The following PES1 variants were observed in gnomAD, a reference collection of about 807,000 sequenced individuals.
PES1 encodes the protein pescadillo ribosomal biogenesis factor 1.
A neutral mutation model predicts 77.1 loss-of-function variants in PES1; 31 were observed. That is an observed-to-expected ratio of 0.40 (90% CI 0.30 to 0.54). PES1 has a LOEUF of 0.54. Ranked by LOEUF, PES1 falls within the 20% of genes least tolerant of loss-of-function variation. The pLI, the probability that PES1 is intolerant of heterozygous loss-of-function variation, is 0.45. For missense variants in PES1, 658 were observed against 771.7 expected, an observed-to-expected ratio of 0.85 and a Z score of 1.75; for synonymous variants, 282 against 303.0, an observed-to-expected ratio of 0.93 and a Z score of 0.72.
chr22:30,603,244 A>G (rs1251967478), intron 2 of PES1, among the ~76,000 whole-genome samples: 2 of 152,142 alleles, frequency 1.3e-5, no homozygotes, highest in Non-Finnish European at 2.9e-5. Context: ...CAGGCCCCCT[A>G]AAAGGTTCTT....
intron 2 of PES1, among the ~76,000 whole-genome samples, chr22:30,598,795 G>A (rs1478500721): frequency 2.0e-5 from 3 of 148,294 alleles, no homozygotes; most frequent in African/African-American, 7.5e-5. Flanking sequence ...TGTATATTGT[G>A]TCTACATGGT....
At chr22:30,598,254 A>G (rs1484672251) in intron 2 of PES1, 1 of 152,106 alleles carries the variant, frequency 6.6e-6, no homozygotes, top group Non-Finnish European at 1.5e-5. Context: ...GAACCCACCA[A>G]AAGGAAAAAA....
intron 1 of PES1, among the ~76,000 whole-genome samples, chr22:30,591,484 G>C (rs952740842): frequency 6.6e-6 from 1 of 152,116 alleles, no homozygotes; most frequent in African/African-American, 2.4e-5. Flanking sequence ...GTGCAGTAAC[G>C]GTGAGCTCTA....
intron 6 of PES1, 63 bp from the exon 7 acceptor site, chr22:30,581,707 A>G (rs1398255572): frequency 4.3e-6 from 5 of 1,152,302 alleles, no homozygotes; most frequent in Non-Finnish European, 6.5e-6. Context: ...GGAGGGACAG[A>G]CAACCCACAG....
At chr22:30,603,631 C>T (rs1173157284) in intron 2 of PES1, 1 of 152,218 alleles carries the variant, frequency 6.6e-6, no homozygotes, top group African/African-American at 2.4e-5. Flanking sequence ...ATCCACCCGC[C>T]TCGGCCTCCC....
intron 2 of PES1, chr22:30,605,371 G>T: frequency 2.8e-6 from 2 of 714,976 alleles, no homozygotes; most frequent in Non-Finnish European, 3.4e-6. Flanking sequence ...CAGGTAGGTA[G>T]GCAGGGGGGT....
upstream of PES1, among the ~76,000 whole-genome samples, chr22:30,596,255 TGGA>T (rs2087250553): frequency 6.6e-6 from 1 of 152,232 alleles, no homozygotes. Context: ...CAAGGCTACC[TGGA>T]GATTTTTTCT....
At chr22:30,585,268 G>T (rs1323327818) in intron 4 of PES1, 2 of 471,414 alleles carry the variant, frequency 4.2e-6, no homozygotes, top group Admixed American at 2.3e-5. Flanking sequence ...GAGACCCAGG[G>T]AATTGGGTCC....
intron 9 of PES1, 32 bp downstream of exon 9, chr22:30,580,980 G>C (rs369961765): frequency 9.8e-5 from 155 of 1,579,746 alleles, no homozygotes; most frequent in Non-Finnish European, 1.1e-4. Flanking sequence ...ACCCCTCCCA[G>C]CCCTCCTGCC....
At chr22:30,579,571 G>T (rs947194837) in intron 12 of PES1, 180 bp downstream of exon 12, 3 of 699,274 alleles carry the variant, frequency 4.3e-6, no homozygotes, top group Non-Finnish European at 7.2e-6. Context: ...CATCCTGAAC[G>T]TCAAATAACA....
chr22:30,589,317 C>T (rs959421871), intron 1 of PES1, 47 bp from the exon 2 acceptor site: 12 of 1,475,514 alleles, frequency 8.1e-6, no homozygotes, highest in Non-Finnish European at 1.1e-5. Flanking sequence ...ATTGTAGTGA[C>T]TGACATCAAA....
chr22:30,591,650 A>G, intron 1 of PES1, 160 bp downstream of exon 1: 1 of 723,412 alleles, frequency 1.4e-6, no homozygotes, highest in Non-Finnish European at 2.2e-6. Flanking sequence ...GAATACTGCC[A>G]TCCTTGTCCA....
intron 2 of PES1, 87 bp from the exon 3 acceptor site, chr22:30,588,261 AATGGGGAAC>A: frequency 6.6e-7 from 1 of 1,508,730 alleles, no homozygotes; most frequent in Non-Finnish European, 9.2e-7. Flanking sequence ...AACAACAGTA[AATGGGGAAC>A]ATGGGGTCCC....
Position 30,579,920 on chromosome 22 carries a change from G to A in PES1, c.1185C>T (p.Pro395=), listed in dbSNP as rs1389035396. The A allele has an allele frequency of 5.0e-6, 8 of 1,614,028 alleles. No individual in the cohort carries two copies. The highest frequency in any genetic ancestry group is 5.9e-6 in the Non-Finnish European group (7 of 1,179,966). The change falls in exon 12 of 15, where the codon CCC becomes CCT. Residue 395 remains proline, a synonymous_variant. Coordinates refer to ENST00000354694, the MANE Select transcript of PES1 (RefSeq NM_014303.4). The part of the protein sequence containing the change: ...TSVIGRCYVQ[P]QWVFDSVNAR... ...CGTTCACTGAGTCAAACACCCACTG[G>A]GGCTGCACGTAGCACCTGGCGCAGA...
chr22:30,605,989 C>T (rs2087433399), intron 1 of PES1, among the ~76,000 whole-genome samples: 1 of 152,150 alleles, frequency 6.6e-6, no homozygotes, highest in South Asian at 2.1e-4. Context: ...GATGATCTTG[C>T]CTAACCCTCT....
At chr22:30,597,891 T>G (rs1478524052) in intron 2 of PES1, among the ~76,000 whole-genome samples, 2 of 144,020 alleles carry the variant, frequency 1.4e-5, no homozygotes, top group African/African-American at 5.3e-5. Flanking sequence ...TGTTTTTTTT[T>G]TTTTTGTTTT....
At chr22:30,584,301 C>G in intron 6 of PES1, 64 bp downstream of exon 6, 1 of 1,285,128 alleles carries the variant, frequency 7.8e-7, no homozygotes, top group South Asian at 1.3e-5. Context: ...AATCCCCCTT[C>G]CTCCACATCC....
At chr22:30,606,221 C>G (rs34471369) in intron 1 of PES1, among the ~76,000 whole-genome samples, 12 of 151,854 alleles carry the variant, frequency 7.9e-5, no homozygotes, top group Admixed American at 7.9e-4. Context: ...TCGATTCAAT[C>G]TCATTCTTTT....
chr22:30,576,943 G>T lies in PES1; in HGVS notation c.*103C>A. 1 of 948,284 alleles carries T rather than the reference G, an allele frequency of 1.1e-6. No homozygotes were observed. Among genetic ancestry groups the T allele is most frequent in the Non-Finnish European group, 1.7e-6 (1 of 582,944 alleles). 58.7% of individuals were successfully genotyped at this position (948,284 alleles called of 1,614,324 possible). On this transcript the variant is annotated 3_prime_UTR_variant, in exon 15 of 15. Transcript: ENST00000354694. Reference sequence around the variant, plus strand: ...GGTCAGGGCTGGCTGGAGAAAGGAGGAGGAGAAGTGACTCTGGTCCATCAC... The same window carrying T: ...GGTCAGGGCTGGCTGGAGAAAGGAGTAGGAGAAGTGACTCTGGTCCATCAC...
Sources: gnomAD v4.1 joint callset for allele counts (sites outside exome capture counted in the v4.1 genomes callset) on GRCh38, gnomAD v4.1.1 for gene constraint, MANE v1.5 for transcripts, NCBI Gene and HGNC (gene_info 2026-07-23, HGNC 2026-07-21) for gene names.